ATP6V1H: variants seen among roughly 807,000 people sequenced by gnomAD.
ATP6V1H encodes the protein ATPase H+ transporting V1 subunit H.
A neutral mutation model predicts 71.7 loss-of-function variants in ATP6V1H; 39 were observed. That is an observed-to-expected ratio of 0.54 (90% CI 0.42 to 0.71). The LOEUF is 0.71. ATP6V1H is among the 30% of genes least tolerant of loss of function. ATP6V1H has a pLI of 0.00. For synonymous variants in ATP6V1H, 192 were observed against 199.3 expected (o/e 0.96, Z 0.31); for missense variants, 509 against 594.9 (o/e 0.86, Z 1.50).
At chr8:53,807,705 T>C (rs1810131756) in intron 7 of ATP6V1H, among the ~76,000 whole-genome samples, 1 of 152,234 alleles carries the variant, frequency 6.6e-6, no homozygotes, top group African/African-American at 2.4e-5. Flanking sequence ...TTTTCTGAGA[T>C]GTTGAAATGT....
chr8:53,743,574 T>A lies in ATP6V1H; in HGVS notation c.1391+3A>T. ...CAAGTGTGAGCAAAAAGCCGTGGCATACCAGTTGTGCACCATGAGCTTCTG... is the reference window on the plus strand; with the variant it reads ...CAAGTGTGAGCAAAAAGCCGTGGCAAACCAGTTGTGCACCATGAGCTTCTG... On this transcript the variant is annotated splice_donor_region_variant and intron_variant, in intron 13 of 13. Coordinates refer to ENST00000359530, the MANE Select transcript of ATP6V1H (RefSeq NM_015941.4). The A allele has an allele frequency of 6.2e-7, 1 of 1,611,884 alleles. No homozygotes were observed. The highest frequency in any genetic ancestry group is 8.5e-7 in the Non-Finnish European group (1 of 1,178,078).
intron 3 of ATP6V1H, among the ~76,000 whole-genome samples, chr8:53,831,022 T>C (rs1214978471): frequency 6.6e-6 from 1 of 152,094 alleles, no homozygotes; most frequent in Admixed American, 6.6e-5. Context: ...ATAAACCAAG[T>C]TAAAAATTCA....
intron 11 of ATP6V1H, among the ~76,000 whole-genome samples, chr8:53,769,377 C>T (rs1808572846): frequency 6.6e-6 from 1 of 152,088 alleles, no homozygotes; most frequent in African/African-American, 2.4e-5. Flanking sequence ...ACAACAACTT[C>T]ATGTTCAGAA....
At position 53,756,569 on chromosome 8, in the gene ATP6V1H, A is replaced by G; in HGVS notation, c.1263T>C (p.Tyr421=). The G allele has an allele frequency of 6.2e-7, 1 of 1,613,712 alleles. No individual in the cohort carries two copies. Among genetic ancestry groups the G allele is most frequent in the Non-Finnish European group, 8.5e-7 (1 of 1,179,700 alleles). Residue 421 remains tyrosine, a synonymous_variant, in exon 12 of 14, where the codon TAT becomes TAC. Transcript: ENST00000359530. ...AHDVGEYVRH[Y]PRGKRVIEQL... ...CTTTCTCTTACCGTTTGCCTCGTGGATAATGCCGCACATATTCTCCAACAT... is the reference window on the plus strand; with the variant it reads ...CTTTCTCTTACCGTTTGCCTCGTGGGTAATGCCGCACATATTCTCCAACAT...
chr8:53,732,214 T>C (rs949848338), intron 13 of ATP6V1H, among the ~76,000 whole-genome samples: 1 of 152,172 alleles, frequency 6.6e-6, no homozygotes, highest in African/African-American at 2.4e-5. Flanking sequence ...CTTTTACCCT[T>C]TCCTTCTTGT....
chr8:53,831,380 CAT>C (rs1361687695), intron 3 of ATP6V1H, among the ~76,000 whole-genome samples: 19 of 152,300 alleles, frequency 1.2e-4, no homozygotes, highest in African/African-American at 4.3e-4. Context: ...TAAACATAAA[CAT>C]AGAAAACGTG....
intron 2 of ATP6V1H, among the ~76,000 whole-genome samples, chr8:53,835,349 G>T (rs902196384): frequency 6.6e-6 from 1 of 152,168 alleles, no homozygotes. Flanking sequence ...AAAGAACCCA[G>T]GACAGCTTTC....
At chr8:53,780,905 G>T (rs542575446) in intron 9 of ATP6V1H, among the ~76,000 whole-genome samples, 1 of 152,198 alleles carries the variant, frequency 6.6e-6, no homozygotes, top group Non-Finnish European at 1.5e-5. Flanking sequence ...ATTCCATGGT[G>T]TATATGTGCC....
rs994628384 is a variant in ATP6V1H, at chr8:53,744,704, T to TA, written c.1278-1015dup. ...TATTTTATTCTTTAAAGCATGGTTTTAAAAAAAATGCACTGAACTGAGGGG... is the reference window on the plus strand; with the variant it reads ...TATTTTATTCTTTAAAGCATGGTTTTAAAAAAAAATGCACTGAACTGAGGGG... On this transcript the variant is annotated intron_variant, in intron 12 of 13. Coordinates refer to ENST00000359530, the MANE Select transcript of ATP6V1H (RefSeq NM_015941.4). Among the ~76,000 whole-genome samples, 23 of 152,102 alleles carry TA rather than the reference T, an allele frequency of 1.5e-4. No individual in the cohort carries two copies. In the South Asian group the frequency reaches 1.7e-3, roughly 11 times the overall value.
In ATP6V1H at chr8:53,784,008, A is replaced by T. The variant is rs540008430; in HGVS notation, c.870+11639T>A. Among the ~76,000 whole-genome samples the T allele has an allele frequency of 2.2e-3, 339 of 152,272 alleles. 2 individuals carry two copies. Among genetic ancestry groups the T allele is most frequent in the African/African-American group, 7.9e-3 (327 of 41,554 alleles). ...AGGTGTGGTGTGGTGCTGAAAAGAA[A>T]GTATATTCCGTTGATTTGGGGTACA... On this transcript the variant is annotated intron_variant, in intron 9 of 13. Transcript: ENST00000359530.
intron 12 of ATP6V1H, among the ~76,000 whole-genome samples, chr8:53,750,798 G>A (rs771621686): frequency 1.3e-4 from 19 of 151,846 alleles, no homozygotes; most frequent in Non-Finnish European, 2.4e-4. Flanking sequence ...AAAATTTAAT[G>A]TGAAAAATCC....
At chr8:53,755,006 A>G (rs1563450517) in intron 12 of ATP6V1H, among the ~76,000 whole-genome samples, 1 of 152,196 alleles carries the variant, frequency 6.6e-6, no homozygotes, top group Admixed American at 6.5e-5. Context: ...GGCTACCATT[A>G]TCTCTTCTGT....
rs908280806 is a variant in ATP6V1H at position 53,792,495 on chromosome 8, C to T, written c.870+3152G>A. ...GGAAATACACAGGGCTTAACACATC[C>T]AGCTGGTATTTTAAGCAAAGAAATC... On this transcript the variant is annotated intron_variant, in intron 9 of 13. Coordinates refer to ENST00000359530, the MANE Select transcript of ATP6V1H (RefSeq NM_015941.4). 3.9e-5 allele frequency among the ~76,000 whole-genome samples: 6 copies of T among 152,172 alleles called. 1 individual carries two copies. Among genetic ancestry groups the T allele is most frequent in the Non-Finnish European group, 7.4e-5 (5 of 68,026 alleles).
intron 8 of ATP6V1H, 51 bp from the exon 9 acceptor site, chr8:53,795,890 AG>A (rs768542678): frequency 6.6e-7 from 1 of 1,506,936 alleles, no homozygotes; most frequent in Non-Finnish European, 9.0e-7. Flanking sequence ...TTTAGAAAGA[AG>A]AAATAAGCAA....
chr8:53,813,023 T>C (rs118125041), intron 6 of ATP6V1H, among the ~76,000 whole-genome samples: 6 of 152,052 alleles, frequency 3.9e-5, no homozygotes, highest in African/African-American at 1.4e-4. Context: ...AAGGGAGAGA[T>C]CATTTCAAAG....
At chr8:53,764,150 C>T (rs1808369572) in intron 11 of ATP6V1H, among the ~76,000 whole-genome samples, 1 of 152,088 alleles carries the variant, frequency 6.6e-6, no homozygotes, top group African/African-American at 2.4e-5. Context: ...GAAAAAGAAG[C>T]AGCGGGAACA....
chr8:53,827,901 A>G (rs935124226), intron 4 of ATP6V1H, among the ~76,000 whole-genome samples: 1 of 152,256 alleles, frequency 6.6e-6, no homozygotes, highest in Middle Eastern at 3.4e-3. Flanking sequence ...CTAAGGATAA[A>G]GACCTCCAGC....
At chr8:53,840,174 C>T (rs1022056479) in intron 2 of ATP6V1H, among the ~76,000 whole-genome samples, 5 of 152,096 alleles carry the variant, frequency 3.3e-5, no homozygotes, top group Admixed American at 3.3e-4. Flanking sequence ...CCTGCCAGAC[C>T]CTGTGCATCT....
At chr8:53,720,024 A>G (rs1033058181) in intron 13 of ATP6V1H, among the ~76,000 whole-genome samples, 1 of 152,224 alleles carries the variant, frequency 6.6e-6, no homozygotes, top group Admixed American at 6.5e-5. Context: ...AGAACAAAGG[A>G]TGCAAGGAGA....
Sources: allele counts gnomAD v4.1 joint callset (sites outside exome capture counted in the v4.1 genomes callset), GRCh38; gene constraint gnomAD v4.1.1; transcripts MANE v1.5; gene names NCBI Gene and HGNC (gene_info 2026-07-23, HGNC 2026-07-21).